Variants in DLG2 observed in about 807,000 individuals in gnomAD.
DLG2 encodes the protein disks large homolog 2.
In DLG2, 45 loss-of-function variants were observed where a neutral mutation model predicts 132.5. That is an observed-to-expected ratio of 0.34 (90% CI 0.27 to 0.44). The LOEUF is 0.44. Among genes scored for constraint, DLG2 ranks in the 20% least tolerant of loss-of-function variants. DLG2 has a pLI of 1.00. For synonymous variants in DLG2, 424 were observed against 419.6 expected (o/e 1.01, Z -0.13); for missense variants, 1,045 against 1,196.9 (o/e 0.87, Z 1.87).
intron 3 of DLG2, among the ~76,000 whole-genome samples, chr11:85,337,012 TC>T (rs1444833351): frequency 6.6e-6 from 1 of 152,206 alleles, no homozygotes; most frequent in Non-Finnish European, 1.5e-5. Context: ...TCACATGCTT[TC>T]TTAAAATACA....
chr11:84,786,596 C>T (rs138251380), intron 6 of DLG2, among the ~76,000 whole-genome samples: 3 of 152,270 alleles, frequency 2.0e-5, no homozygotes, highest in African/African-American at 4.8e-5. Flanking sequence ...ACACTGGCTT[C>T]CCCCAAAAAA....
chr11:84,752,621 GGTTA>G (rs1223356913), intron 6 of DLG2, among the ~76,000 whole-genome samples: 2 of 143,874 alleles, frequency 1.4e-5, no homozygotes, highest in Admixed American at 7.0e-5. Flanking sequence ...ACATTGTGCA[GGTTA>G]GTTACATATG....
At chr11:83,511,328 CACTTATGAGTAAATGCACTT>C (rs2095024576) in intron 21 of DLG2, among the ~76,000 whole-genome samples, 1 of 152,120 alleles carries the variant, frequency 6.6e-6, no homozygotes, top group Non-Finnish European at 1.5e-5. Context: ...AATTGCATTC[CACTTATGAGTAAATGCACTT>C]GCAGTGCTTA....
In DLG2 at chr11:85,120,579, TC is replaced by T; in HGVS notation, c.283-8845del. Among the ~76,000 whole-genome samples the T allele has an allele frequency of 1.3e-5, 2 of 152,038 alleles. 1 individual carries two copies. The highest frequency in any genetic ancestry group is 2.9e-5 in the Non-Finnish European group (2 of 67,920). On this transcript the variant is annotated intron_variant, in intron 5 of 27. Coordinates refer to ENST00000376104, the MANE Select transcript of DLG2 (RefSeq NM_001142699.3). ...ATCCTTGTAATGTCCTATTTAGAAC[TC>T]TATTTAAAAACAAATAATTTATTTT...
At chr11:84,014,813 C>G (rs924387726) in intron 11 of DLG2, among the ~76,000 whole-genome samples, 1 of 151,362 alleles carries the variant, frequency 6.6e-6, no homozygotes, top group Non-Finnish European at 1.5e-5. Context: ...GTGCACCTGC[C>G]TACATCCTAA....
chr11:84,660,583 G>A (rs1261381767), intron 6 of DLG2, among the ~76,000 whole-genome samples: 1 of 152,116 alleles, frequency 6.6e-6, no homozygotes, highest in Non-Finnish European at 1.5e-5. Context: ...GCAGTAGAGA[G>A]ATGCTTTTGT....
At chr11:84,371,977 T>A (rs536885713) in intron 7 of DLG2, among the ~76,000 whole-genome samples, 1 of 152,314 alleles carries the variant, frequency 6.6e-6, no homozygotes, top group Admixed American at 6.5e-5. Flanking sequence ...TTTTAAAAAA[T>A]TGCATGTTCA....
chr11:84,054,292 G>A (rs1645590577), intron 11 of DLG2, among the ~76,000 whole-genome samples: 1 of 151,988 alleles, frequency 6.6e-6, no homozygotes, highest in African/African-American at 2.4e-5. Flanking sequence ...GATTTAATGT[G>A]TTCTTGCGAA....
chr11:84,281,075 T>C (rs1001983782), intron 7 of DLG2, among the ~76,000 whole-genome samples: 1 of 152,062 alleles, frequency 6.6e-6, no homozygotes, highest in African/African-American at 2.4e-5. Flanking sequence ...GGAAAGATAA[T>C]ATTTTCAATA....
intron 7 of DLG2, among the ~76,000 whole-genome samples, chr11:84,366,047 G>A (rs1339467263): frequency 6.6e-6 from 1 of 152,022 alleles, no homozygotes; most frequent in African/African-American, 2.4e-5. Context: ...GAAAAAATGT[G>A]AAGAGCAGCC....
At chr11:83,467,810 T>TATATATATATATATATAC (rs1414160515) in intron 25 of DLG2, among the ~76,000 whole-genome samples, 2 of 96,294 alleles carry the variant, frequency 2.1e-5, no homozygotes, top group African/African-American at 4.0e-5. Context: ...TATATATATA[T>TATATATATATATATATAC]ACACACACAC....
Position 84,312,868 on chromosome 11 carries a change from G to T in DLG2, c.520-61577C>A, listed in dbSNP as rs1261089402. 2.6e-5 allele frequency among the ~76,000 whole-genome samples: 4 copies of T among 152,114 alleles called. No individual in the cohort carries two copies. The South Asian group carries it at 8.3e-4, about 32-fold the overall frequency. ...CTCTGTCACCAGGCTGAAGTGCAAT[G>T]GTGCAATCTCGGCTCACTGTAACCT... On this transcript the variant is annotated intron_variant, in intron 7 of 27. Coordinates refer to ENST00000376104, the MANE Select transcript of DLG2 (RefSeq NM_001142699.3).
intron 7 of DLG2, among the ~76,000 whole-genome samples, chr11:84,305,609 C>G (rs1644981786): frequency 6.6e-6 from 1 of 152,082 alleles, no homozygotes; most frequent in Admixed American, 6.5e-5. Flanking sequence ...ATCTGTCTAT[C>G]TATCTATTTA....
intron 6 of DLG2, among the ~76,000 whole-genome samples, chr11:85,089,073 A>G (rs1212502548): frequency 6.6e-6 from 1 of 152,220 alleles, no homozygotes; most frequent in Non-Finnish European, 1.5e-5. Flanking sequence ...TTGAGGGTCC[A>G]AAGTCTCCCA....
intron 7 of DLG2, among the ~76,000 whole-genome samples, chr11:84,421,203 G>C (rs1312983862): frequency 1.3e-5 from 2 of 152,132 alleles, no homozygotes; most frequent in Admixed American, 6.5e-5. Context: ...CTTGTACCTT[G>C]ATGTCAGACT....
chr11:84,367,532 TC>T (rs2098689097), intron 7 of DLG2, among the ~76,000 whole-genome samples: 1 of 152,130 alleles, frequency 6.6e-6, no homozygotes, highest in South Asian at 2.1e-4. Context: ...TGGAACTTAA[TC>T]CCTAATATAA....
chr11:83,612,056 G>C (rs11233695), intron 19 of DLG2, among the ~76,000 whole-genome samples: 30,946 of 151,944 alleles, frequency 0.2, 3,326 homozygotes, highest in African/African-American at 0.25. Flanking sequence ...CTAGAGGAAA[G>C]AGTTTAATTT....
At chr11:84,799,221 C>G (rs1459003353) in intron 6 of DLG2, among the ~76,000 whole-genome samples, 2 of 152,148 alleles carry the variant, frequency 1.3e-5, no homozygotes, top group Admixed American at 6.5e-5. Context: ...GCGAGCCTTG[C>G]TAAGAAATTC....
chr11:85,164,427 C>T (rs1174175737), intron 4 of DLG2, among the ~76,000 whole-genome samples: 1 of 152,126 alleles, frequency 6.6e-6, no homozygotes, highest in Non-Finnish European at 1.5e-5. Flanking sequence ...TACATACATA[C>T]AAAGCACTCA....
Sources: gnomAD v4.1 joint callset for allele counts (sites outside exome capture counted in the v4.1 genomes callset) on GRCh38, gnomAD v4.1.1 for gene constraint, MANE v1.5 for transcripts, NCBI Gene and HGNC (gene_info 2026-07-23, HGNC 2026-07-21) for gene names.